B4GALT5: variants seen among roughly 807,000 people sequenced by gnomAD.
The protein encoded by B4GALT5 is UDP-Gal:beta-GlcNAc beta-1,4-galactosyltransferase 5.
In B4GALT5, 11 loss-of-function variants were observed where a neutral mutation model predicts 45.0. That is an observed-to-expected ratio of 0.24 (90% confidence interval 0.15 to 0.40). The LOEUF (loss-of-function observed/expected upper bound fraction) is 0.40. Ranked by LOEUF, B4GALT5 falls within the 10% of genes least tolerant of loss-of-function variation. The probability of loss-of-function intolerance (pLI) is 1.00; values close to 1 mark genes in which losing one functional copy is unlikely to be tolerated. For missense variants in B4GALT5, 337 were observed against 500.2 expected (o/e 0.67, Z 3.11); for synonymous variants, 185 against 182.9 (o/e 1.01, Z -0.09).
In B4GALT5 at chr20:49,688,658, G is replaced by C. The variant is rs964750563; in HGVS notation, c.115+24918C>G. Among the ~76,000 whole-genome samples, 8 of 152,274 alleles carry C rather than the reference G, an allele frequency of 5.3e-5. No homozygotes were observed. The East Asian group carries it at 1.5e-3, about 29-fold the overall frequency. On this transcript the variant is annotated intron_variant, in intron 1 of 8. Coordinates refer to ENST00000371711, the MANE Select transcript of B4GALT5 (RefSeq NM_004776.4). The stretch of plus-strand genomic sequence containing the variant: ...AAGATAGGACAAAATGAGTGTCAAG[G>C]CCGGGTGCAGTGGCTCACGCCTGTA...
At chr20:49,692,101 T>G (rs2085815389) in intron 1 of B4GALT5, among the ~76,000 whole-genome samples, 2 of 152,090 alleles carry the variant, frequency 1.3e-5, no homozygotes, top group South Asian at 4.1e-4. Flanking sequence ...ATTTAAAAAC[T>G]ATGTCCCCTA....
At chr20:49,661,825 A>G (rs2085666486) in intron 1 of B4GALT5, among the ~76,000 whole-genome samples, 1 of 152,196 alleles carries the variant, frequency 6.6e-6, no homozygotes, top group South Asian at 2.1e-4. Context: ...ACAAATTCAC[A>G]CTTACTAATA....
At chr20:49,657,903 G>T (rs2085649855) in intron 1 of B4GALT5, among the ~76,000 whole-genome samples, 1 of 152,174 alleles carries the variant, frequency 6.6e-6, no homozygotes, top group Non-Finnish European at 1.5e-5. Context: ...GCTTTATACT[G>T]GGAATGACAG....
Position 49,692,154 on chromosome 20 carries a change from G to GTT in B4GALT5, c.115+21420_115+21421dup, listed in dbSNP as rs148782228. ...TATCTTCAGAGTATTCTCACCTACT[G>GTT]TTTTTTTTTTAATGTATTCACTGTA... On this transcript the variant is annotated intron_variant, in intron 1 of 8. Transcript: ENST00000371711. Among the ~76,000 whole-genome samples, 1,310 of 148,104 alleles carry GTT rather than the reference G, an allele frequency of 8.8e-3. 12 individuals are homozygous for GTT. The highest frequency in any genetic ancestry group is 0.031 in the African/African-American group (1,243 of 40,322).
At chr20:49,669,173 T>C (rs1397095353) in intron 1 of B4GALT5, among the ~76,000 whole-genome samples, 1 of 152,042 alleles carries the variant, frequency 6.6e-6, no homozygotes, top group African/African-American at 2.4e-5. Context: ...TACTAAGCTT[T>C]AATGTCCCTT....
At position 49,710,405 on chromosome 20, in the gene B4GALT5, C is replaced by CT. The variant is rs751939911; in HGVS notation, c.115+3170dup. 3.6e-3 allele frequency among the ~76,000 whole-genome samples: 373 copies of CT among 102,418 alleles called. 3 individuals carry two copies. The highest frequency in any genetic ancestry group is 0.015 in the South Asian group (42 of 2,784). 67.2% of individuals were successfully genotyped at this position (102,418 alleles called of 152,430 possible). ...TGTTATTTTCTGTTATTTTCTCTCTCTTTTTTTTTTTTTTGTGTGTGTGTG... is the reference window on the plus strand; with the variant it reads ...TGTTATTTTCTGTTATTTTCTCTCTCTTTTTTTTTTTTTTTGTGTGTGTGTG... On this transcript the variant is annotated intron_variant, in intron 1 of 8. Transcript: ENST00000371711.
chr20:49,666,765 C>T (rs894543852), intron 1 of B4GALT5, among the ~76,000 whole-genome samples: 7 of 152,158 alleles, frequency 4.6e-5, no homozygotes, highest in African/African-American at 1.7e-4. Context: ...TCTGCAAAAC[C>T]TGCATTATCT....
chr20:49,712,717 G>A (rs1368896033), intron 1 of B4GALT5, among the ~76,000 whole-genome samples: 2 of 150,844 alleles, frequency 1.3e-5, no homozygotes, highest in Non-Finnish European at 2.9e-5. Flanking sequence ...GGCAGAAGTG[G>A]AAGAAAGAAC....
chr20:49,643,922 C>CTTTTTTTTTT (rs138727530), intron 3 of B4GALT5, among the ~76,000 whole-genome samples: 3 of 52,184 alleles, frequency 5.7e-5, no homozygotes, highest in East Asian at 6.8e-4. Flanking sequence ...AGTAGCTGAG[C>CTTTTTTTTTT]TTTTTTTTTT....
At chr20:49,704,504 G>A (rs937954172) in intron 1 of B4GALT5, among the ~76,000 whole-genome samples, 3 of 151,858 alleles carry the variant, frequency 2.0e-5, no homozygotes, top group African/African-American at 7.3e-5. Flanking sequence ...CGGATCACGA[G>A]GTCAGGAGAT....
intron 1 of B4GALT5, among the ~76,000 whole-genome samples, chr20:49,693,880 G>GA (rs2085826717): frequency 6.6e-6 from 1 of 152,168 alleles, no homozygotes; most frequent in Admixed American, 6.5e-5. Flanking sequence ...CCCAATCCCA[G>GA]AAAGTGACCT....
Position 49,702,216 on chromosome 20 carries a change from T to G in B4GALT5, c.115+11360A>C, listed in dbSNP as rs1490237298. On this transcript the variant is annotated intron_variant, in intron 1 of 8. Coordinates refer to ENST00000371711, the MANE Select transcript of B4GALT5 (RefSeq NM_004776.4). ...ATAAATGAATAAAGACAGAGAATAATAAAGAAAGAAAACAGCTTCAAACTT... is the reference window on the plus strand; with the variant it reads ...ATAAATGAATAAAGACAGAGAATAAGAAAGAAAGAAAACAGCTTCAAACTT... Among the ~76,000 whole-genome samples the G allele has an allele frequency of 5.3e-5, 8 of 152,012 alleles. No homozygotes were observed. The South Asian group carries it at 1.7e-3, about 32-fold the overall frequency.
intron 1 of B4GALT5, among the ~76,000 whole-genome samples, chr20:49,667,939 T>A (rs1049817447): frequency 6.6e-6 from 1 of 152,196 alleles, no homozygotes. Context: ...AATACAGCTT[T>A]TTTAAGATAC....
chr20:49,639,151 T>C (rs2085565681), intron 7 of B4GALT5, among the ~76,000 whole-genome samples: 1 of 152,212 alleles, frequency 6.6e-6, no homozygotes, highest in Admixed American at 6.5e-5. Flanking sequence ...TTGTTGTGGG[T>C]AATTTATTTT....
At chr20:49,712,647 G>A (rs3787327) in intron 1 of B4GALT5, among the ~76,000 whole-genome samples, 74,793 of 151,772 alleles carry the variant, frequency 0.49, 18,891 homozygotes, top group South Asian at 0.65. Context: ...TCCTTTGTCC[G>A]CAGAGCAGGC....
At chr20:49,683,596 T>A (rs1450732911) in intron 1 of B4GALT5, among the ~76,000 whole-genome samples, 1 of 151,760 alleles carries the variant, frequency 6.6e-6, no homozygotes, top group Non-Finnish European at 1.5e-5. Context: ...GTTCACCATG[T>A]TGGCCAGCGT....
In B4GALT5 at chr20:49,637,593, A is replaced by C; in HGVS notation, c.918-151T>G. ...ACTGACTCATTGTGTCATTTCTTAAAAACTGAGTTAAAACTCAATTTTAAC... is the reference window on the plus strand; with the variant it reads ...ACTGACTCATTGTGTCATTTCTTAACAACTGAGTTAAAACTCAATTTTAAC... On this transcript the variant is annotated intron_variant, in intron 7 of 8. Coordinates refer to ENST00000371711, the MANE Select transcript of B4GALT5 (RefSeq NM_004776.4). 7 of 616,676 alleles carry C rather than the reference A, an allele frequency of 1.1e-5. No homozygotes were observed. In the South Asian group the frequency reaches 1.4e-4, roughly 12 times the overall value. The allele number at this position is 616,676 out of a possible 1,614,324, so 38.2% of individuals were successfully genotyped here. A position where few individuals can be genotyped will look rare whatever the true frequency, so the allele number is the denominator to read the frequency against.
At chr20:49,659,554 G>C (rs1411120723) in intron 1 of B4GALT5, among the ~76,000 whole-genome samples, 1 of 151,724 alleles carries the variant, frequency 6.6e-6, no homozygotes, top group African/African-American at 2.4e-5. Flanking sequence ...TCTAATTATC[G>C]AAAGGAACTA....
At chr20:49,694,482 T>A (rs936399856) in intron 1 of B4GALT5, among the ~76,000 whole-genome samples, 2 of 151,736 alleles carry the variant, frequency 1.3e-5, no homozygotes, top group Non-Finnish European at 2.9e-5. Flanking sequence ...GGAGACCTAG[T>A]CCCTACAAAA....
Sources: gnomAD v4.1 joint callset for allele counts (sites outside exome capture counted in the v4.1 genomes callset) on GRCh38, gnomAD v4.1.1 for gene constraint, MANE v1.5 for transcripts, NCBI Gene and HGNC (gene_info 2026-07-23, HGNC 2026-07-21) for gene names.